CDC23: variants seen among roughly 807,000 people sequenced by gnomAD.
The protein encoded by CDC23 is cell division cycle 23.
In CDC23, 26 loss-of-function variants were observed where a neutral mutation model predicts 81.7. That is an observed-to-expected ratio of 0.32 (90% CI 0.23 to 0.44). CDC23 has a LOEUF of 0.44. Among genes scored for constraint, CDC23 ranks in the 20% least tolerant of loss-of-function variants. CDC23 has a pLI of 1.00. For synonymous variants in CDC23, 267 were observed against 270.8 expected (o/e 0.99, Z 0.14); for missense variants, 519 against 728.0 (o/e 0.71, Z 3.30).
chr5:138,202,017 TC>T (rs1754994967), intron 4 of CDC23, 95 bp downstream of exon 4: 1 of 827,110 alleles, frequency 1.2e-6, no homozygotes, highest in Non-Finnish European at 2.0e-6. Context: ...GTAATGGTTA[TC>T]CTCAGACCAT....
At chr5:138,205,910 A>G (rs545196347) in intron 3 of CDC23, 2 of 152,380 alleles carry the variant, frequency 1.3e-5, no homozygotes, top group East Asian at 3.8e-4. Flanking sequence ...ACCAGTAAGT[A>G]TAATGCAAAT....
At chr5:138,189,596 T>C (rs1456085656) in intron 15 of CDC23, 37 bp downstream of exon 15, 1 of 1,594,468 alleles carries the variant, frequency 6.3e-7, no homozygotes, top group Non-Finnish European at 8.6e-7. Flanking sequence ...TGTTCTAGCC[T>C]AAAATTCAAA....
chr5:138,213,058 G>C lies in CDC23; in HGVS notation c.167C>G (p.Ala56Gly). 1 of 1,613,956 alleles carries C rather than the reference G, an allele frequency of 6.2e-7. No homozygotes were observed. The highest frequency in any genetic ancestry group is 8.5e-7 in the Non-Finnish European group (1 of 1,179,986). Residue 56 changes from alanine (A) to glycine (G), a missense_variant, in exon 2 of 16, where the codon GCG becomes GGG. Transcript: ENST00000394886. ...TGCAGGGAGAGAGAAAGCCAACTCCGCCGACCTGGAACACCCACACAAACT... is the reference window on the plus strand; with the variant it reads ...TGCAGGGAGAGAGAAAGCCAACTCCCCCGACCTGGAACACCCACACAAACT... ...RGLLHSSKWSAELAFSLPALP... is the reference protein window; with the variant it reads ...RGLLHSSKWSGELAFSLPALP...
chr5:138,191,901 T>C lies in CDC23; in HGVS notation c.1323A>G (p.Glu441=). Residue 441 remains glutamate, a synonymous_variant, in exon 12 of 16, where the codon GAA becomes GAG. Coordinates refer to ENST00000394886, the MANE Select transcript of CDC23 (RefSeq NM_004661.4). ...CTAGTTGATTGAGTTTCTCGTAACA[T>C]TCTCCTAAAGCAACCAGCATGCGAG... is the stretch of plus-strand genomic sequence containing the variant. The part of the protein sequence containing the change: ...NDSRMLVALG[E]CYEKLNQLVE... The C allele has an allele frequency of 1.2e-6, 2 of 1,614,154 alleles. No homozygotes were observed. Among genetic ancestry groups the C allele is most frequent in the South Asian group, 2.2e-5 (2 of 91,084 alleles).
At chr5:138,206,192 A>G (rs1280595080) in intron 3 of CDC23, 8 of 337,206 alleles carry the variant, frequency 2.4e-5, no homozygotes, top group African/African-American at 4.2e-5. Context: ...TGAAAGAAAA[A>G]CAATAAATAT....
chr5:138,213,174 C>T lies in CDC23; in HGVS notation c.139G>A (p.Gly47Ser). 2 of 1,614,132 alleles carry T rather than the reference C, an allele frequency of 1.2e-6. No homozygotes were observed. Among genetic ancestry groups the T allele is most frequent in the Non-Finnish European group, 1.7e-6 (2 of 1,180,022 alleles). Reference protein sequence around the residue: ...LLIAGLTRERGLLHSSKWSAE... With the variant: ...LLIAGLTRERSLLHSSKWSAE... ...CACCATTTGCTACTGTGTAGTAGGC[C>T]CCGCTCCCGGGTAAGGCCCGCAATA... The change falls in exon 1 of 16, where the codon GGC becomes AGC. Residue 47 changes from glycine (G) to serine (S), a missense_variant. Coordinates refer to ENST00000394886, the MANE Select transcript of CDC23 (RefSeq NM_004661.4).
intron 9 of CDC23, 112 bp from the exon 10 acceptor site, chr5:138,192,769 A>C: frequency 2.3e-6 from 2 of 873,444 alleles, no homozygotes; most frequent in Non-Finnish European, 3.4e-6. Flanking sequence ...ATTCCCTCTA[A>C]AGTCCTGGCA....
chr5:138,208,975 T>C (rs949714405), intron 2 of CDC23, among the ~76,000 whole-genome samples: 7 of 152,178 alleles, frequency 4.6e-5, no homozygotes, highest in Admixed American at 1.3e-4. Flanking sequence ...AGTACAGATA[T>C]AGTTTCACTA....
intron 3 of CDC23, among the ~76,000 whole-genome samples, chr5:138,204,265 G>A (rs941506551): frequency 6.6e-6 from 1 of 152,150 alleles, no homozygotes; most frequent in African/African-American, 2.4e-5. Context: ...AGCACTTTGG[G>A]AGGCCAAGGC....
At chr5:138,196,890 CTTTTTTTT>C (rs34002952) in intron 9 of CDC23, among the ~76,000 whole-genome samples, 2 of 113,422 alleles carry the variant, frequency 1.8e-5, no homozygotes, top group Admixed American at 9.3e-5. Flanking sequence ...TTTTTTTTTC[CTTTTTTTT>C]TTTTTTTTTT....
chr5:138,192,560 T>A lies in CDC23; in HGVS notation c.1110A>T (p.Leu370=). The change falls in exon 10 of 16, where the codon CTA becomes CTT. Residue 370 remains leucine (L), a synonymous_variant. Transcript: ENST00000394886. ...TCATCTCCATGTACTCATGTCCCAT[T>A]AGTGTCCAGGCACCAAGATACCGAG... The part of the protein sequence containing the change: ...LNPRYLGAWT[L]MGHEYMEMKN... 3 of 1,614,126 alleles carry A rather than the reference T, an allele frequency of 1.9e-6. No individual in the cohort carries two copies. The highest frequency in any genetic ancestry group is 2.5e-6 in the Non-Finnish European group (3 of 1,179,972).
At chr5:138,208,452 A>C (rs564175858) in intron 2 of CDC23, among the ~76,000 whole-genome samples, 26 of 152,214 alleles carry the variant, frequency 1.7e-4, no homozygotes, top group African/African-American at 5.8e-4. Flanking sequence ...CCACTTGTTT[A>C]TTTCTTTCCC....
At chr5:138,191,652 T>G in intron 12 of CDC23, 117 bp from the exon 13 acceptor site, 2 of 1,061,920 alleles carry the variant, frequency 1.9e-6, no homozygotes, top group Non-Finnish European at 2.9e-6. Context: ...ATGCAAGACA[T>G]TTTTACTAGT....
chr5:138,206,417 T>C, intron 3 of CDC23, 130 bp downstream of exon 3: 1 of 862,082 alleles, frequency 1.2e-6, no homozygotes, highest in East Asian at 2.6e-5. Flanking sequence ...CTTTTTTTTA[T>C]TATTGCTATG....
In CDC23 at chr5:138,191,848, C is replaced by A; in HGVS notation, c.1362+14G>T. ...GATTTCCACTCAAATTCTTCAGGAC[C>A]CAATTTAAGGTACCTTTTTGGCTTC... is the stretch of plus-strand genomic sequence containing the variant. On this transcript the variant is annotated intron_variant, in intron 12 of 15. Coordinates refer to ENST00000394886, the MANE Select transcript of CDC23 (RefSeq NM_004661.4). 1 of 1,604,700 alleles carries A rather than the reference C, an allele frequency of 6.2e-7. No homozygotes were observed. Among genetic ancestry groups the A allele is most frequent in the Non-Finnish European group, 8.5e-7 (1 of 1,171,474 alleles).
rs1581490092 is a variant in CDC23, at chr5:138,206,554, C to A, written c.365G>T (p.Arg122Ile). ...TTTTAAAATGGCCCTCACCAGATATCTGGAATACATATACAGAAAATAGGC... is the reference window on the plus strand; with the variant it reads ...TTTTAAAATGGCCCTCACCAGATATATGGAATACATATACAGAAAATAGGC... ...KKAYFLYMYS[R>I]YLSGEKKKDD... The change falls in exon 3 of 16, where the codon AGA becomes ATA. Residue 122 changes from arginine (R) to isoleucine (I), a missense_variant. Physicochemically the swap from Arg to Ile is moderately conservative, Grantham distance 97. This residue lies in a region of CDC23 where 180 missense variants were observed against 239.3 expected (regional missense o/e 0.75). Coordinates refer to ENST00000394886, the MANE Select transcript of CDC23 (RefSeq NM_004661.4). 3 of 1,614,132 alleles carry A rather than the reference C, an allele frequency of 1.9e-6. No homozygotes were observed. The highest frequency in any genetic ancestry group is 4.5e-5 in the East Asian group (2 of 44,876).
At chr5:138,206,268 A>G (rs913724250) in intron 3 of CDC23, 3 of 473,108 alleles carry the variant, frequency 6.3e-6, no homozygotes, top group African/African-American at 6.0e-5. Flanking sequence ...CTTAATTCTT[A>G]CACAATAATA....
intron 2 of CDC23, among the ~76,000 whole-genome samples, chr5:138,208,241 C>T (rs577871057): frequency 7.2e-5 from 11 of 152,098 alleles, no homozygotes; most frequent in Non-Finnish European, 1.5e-4. Context: ...AGGCACGAGC[C>T]ACCACCGGCC....
rs984563818 is a variant in CDC23 at position 138,188,379 on chromosome 5, C to T, written c.*599G>A. ...ATTCAACTCTAGTTGAATAAAGTTA[C>T]TTCCAATTTGAAAGCTTTAGAAGAC... is the stretch of plus-strand genomic sequence containing the variant. On this transcript the variant is annotated 3_prime_UTR_variant, in exon 16 of 16. Transcript: ENST00000394886. 3 of 152,116 alleles carry T rather than the reference C, an allele frequency of 2.0e-5. No homozygotes were observed. Among genetic ancestry groups the T allele is most frequent in the Non-Finnish European group, 2.9e-5 (2 of 68,022 alleles). The allele number at this position is 152,116 out of a possible 1,614,324, so 9.4% of individuals were successfully genotyped here.
Sources: gnomAD v4.1 joint callset for allele counts (sites outside exome capture counted in the v4.1 genomes callset) on GRCh38, gnomAD v4.1.1 for gene constraint, gnomAD v4.1.1 regional missense constraint, MANE v1.5 for transcripts, NCBI Gene and HGNC (gene_info 2026-07-23, HGNC 2026-07-21) for gene names.